LINGO2: variants seen among roughly 807,000 people sequenced by gnomAD.
LINGO2 encodes the protein leucine rich repeat and Ig domain containing 2.
LINGO2 carries 14 observed loss-of-function variants against 30.6 expected under a neutral mutation model. The observed-to-expected ratio is 0.46, with a 90% CI of 0.30 to 0.72. LINGO2 has a LOEUF of 0.72. Ranked by LOEUF, LINGO2 falls within the 30% of genes least tolerant of loss-of-function variation. The pLI is 0.07. For missense variants in LINGO2, 729 were observed against 751.7 expected, an observed-to-expected ratio of 0.97 and a Z score of 0.35; for synonymous variants, 317 against 288.5, an observed-to-expected ratio of 1.10 and a Z score of -1.00.
the LINGO2 span, among the ~76,000 whole-genome samples, chr9:28,907,196 A>G: frequency 5.9e-5 from 9 of 151,942 alleles, no homozygotes; most frequent in African/African-American, 9.7e-5. Context: ...TGTCCACATG[A>G]GTTAAAGACA....
chr9:28,008,765 G>T (rs1822397568), intron 5 of LINGO2, among the ~76,000 whole-genome samples: 1 of 152,006 alleles, frequency 6.6e-6, no homozygotes, highest in Non-Finnish European at 1.5e-5. Flanking sequence ...GACATTAAAG[G>T]CCTAAGCATA....
intron 1 of LINGO2, among the ~76,000 whole-genome samples, chr9:28,639,959 C>T (rs373468604): frequency 1.3e-5 from 2 of 151,044 alleles, no homozygotes; most frequent in Non-Finnish European, 3.0e-5. Context: ...TGGCTGGTAC[C>T]GGTTGTTCCT....
At chr9:28,377,404 A>G (rs1476694062) in intron 2 of LINGO2, among the ~76,000 whole-genome samples, 3 of 152,218 alleles carry the variant, frequency 2.0e-5, no homozygotes, top group Admixed American at 1.3e-4. Context: ...TATTATAAAA[A>G]TACAGCATAC....
the LINGO2 span, among the ~76,000 whole-genome samples, chr9:29,116,528 G>A: frequency 6.6e-6 from 1 of 152,050 alleles, no homozygotes; most frequent in South Asian, 2.1e-4. Context: ...TGCAAGGGCT[G>A]AGAAAAGACT....
chr9:28,055,014 A>C (rs1412634501), intron 4 of LINGO2, among the ~76,000 whole-genome samples: 1 of 148,054 alleles, frequency 6.8e-6, no homozygotes, highest in African/African-American at 2.5e-5. Flanking sequence ...TCTGATTAAA[A>C]CAAAACGCAC....
At chr9:29,207,133 AATAT>A in the LINGO2 span, among the ~76,000 whole-genome samples, 6 of 150,956 alleles carry the variant, frequency 4.0e-5, no homozygotes, top group Non-Finnish European at 8.9e-5. Flanking sequence ...ACATAGACAG[AATAT>A]ATATATATAA....
At chr9:28,270,385 A>G (rs564766228) in intron 4 of LINGO2, among the ~76,000 whole-genome samples, 2 of 152,084 alleles carry the variant, frequency 1.3e-5, no homozygotes, top group East Asian at 1.9e-4. Context: ...AGCACTAGCA[A>G]TCTAGCACCT....
the LINGO2 span, among the ~76,000 whole-genome samples, chr9:28,979,995 T>G: frequency 6.6e-6 from 1 of 152,148 alleles, no homozygotes; most frequent in Non-Finnish European, 1.5e-5. Context: ...CATAGAAATA[T>G]AATATGTATA....
the LINGO2 span, among the ~76,000 whole-genome samples, chr9:29,051,815 T>A: frequency 6.6e-6 from 1 of 152,132 alleles, no homozygotes; most frequent in African/African-American, 2.4e-5. Context: ...CATTACTAAT[T>A]TTGTGAGCTC....
intron 5 of LINGO2, among the ~76,000 whole-genome samples, chr9:27,953,563 C>G (rs937160117): frequency 2.0e-5 from 3 of 152,098 alleles, no homozygotes; most frequent in Admixed American, 6.6e-5. Context: ...TATCCCCATG[C>G]TGCTGTTCTT....
intron 4 of LINGO2, among the ~76,000 whole-genome samples, chr9:28,289,830 G>C (rs535932606): frequency 2.6e-5 from 4 of 152,164 alleles, no homozygotes; most frequent in African/African-American, 4.8e-5. Flanking sequence ...ACTCTCCTGG[G>C]CACTCAGGCT....
At chr9:28,944,697 C>T in the LINGO2 span, among the ~76,000 whole-genome samples, 2 of 152,302 alleles carry the variant, frequency 1.3e-5, no homozygotes, top group East Asian at 1.9e-4. Context: ...TGAGCCACCA[C>T]ACCTGGCCGC....
intron 1 of LINGO2, among the ~76,000 whole-genome samples, chr9:28,634,782 G>A (rs1193310877): frequency 1.3e-5 from 2 of 151,984 alleles, no homozygotes; most frequent in Admixed American, 6.6e-5. Context: ...CACCGCACCC[G>A]GCCTCCCTAC....
chr9:28,980,738 C>T, the LINGO2 span, among the ~76,000 whole-genome samples: 1 of 152,078 alleles, frequency 6.6e-6, no homozygotes, highest in Non-Finnish European at 1.5e-5. Flanking sequence ...TGAGACCTCT[C>T]GCTCCTTATC....
chr9:29,032,836 G>A, the LINGO2 span, among the ~76,000 whole-genome samples: 55 of 152,234 alleles, frequency 3.6e-4, no homozygotes, highest in African/African-American at 1.3e-3. Flanking sequence ...AATGATTACT[G>A]TATTGGAGAG....
rs150973739 is a variant in LINGO2, at chr9:28,636,954, G to C, written c.-365+33246C>G. 5.5e-3 allele frequency among the ~76,000 whole-genome samples: 830 copies of C among 152,224 alleles called. 16 individuals carry two copies. The East Asian group carries it at 0.07, about 13-fold the overall frequency. ...TTCTTCTAGGGTTTTTATGGTTTTAGGTCTAACATTTAAGTCTTTAATCCA... is the reference window on the plus strand; with the variant it reads ...TTCTTCTAGGGTTTTTATGGTTTTACGTCTAACATTTAAGTCTTTAATCCA... On this transcript the variant is annotated intron_variant, in intron 1 of 5. Transcript: ENST00000379992.
chr9:28,181,817 G>C (rs371837331), intron 4 of LINGO2, among the ~76,000 whole-genome samples: 1 of 151,918 alleles, frequency 6.6e-6, no homozygotes, highest in South Asian at 2.1e-4. Flanking sequence ...GTGGTTTGTA[G>C]TTCTCCTTGA....
the LINGO2 span, among the ~76,000 whole-genome samples, chr9:29,134,732 T>C: frequency 4.9e-4 from 75 of 152,184 alleles, 1 homozygote; most frequent in Admixed American, 1.9e-3. Flanking sequence ...ACAAAGGTAC[T>C]CAATCTATAA....
the LINGO2 span, among the ~76,000 whole-genome samples, chr9:28,861,970 T>C: frequency 3.9e-5 from 6 of 152,108 alleles, no homozygotes; most frequent in Non-Finnish European, 7.4e-5. Context: ...AAAATTATCT[T>C]AAGAAAAAAT....
Sources: allele counts gnomAD v4.1 joint callset (sites outside exome capture counted in the v4.1 genomes callset), GRCh38; gene constraint gnomAD v4.1.1; transcripts MANE v1.5; gene names NCBI Gene and HGNC (gene_info 2026-07-23, HGNC 2026-07-21).